KRT4: variants seen among roughly 807,000 people sequenced by gnomAD.
KRT4 encodes keratin, type II cytoskeletal 4.
Under a neutral mutation model 50.6 loss-of-function variants are expected in KRT4, and 47 were observed. The ratio of observed to expected loss-of-function variants is 0.93; its 90% CI spans 0.73 to 1.18. The LOEUF is 1.18. Ranked by LOEUF, KRT4 falls within the 50% of genes most tolerant of loss-of-function variation. KRT4 has a pLI of 0.00. For missense variants in KRT4, 651 were observed against 645.7 expected (o/e 1.01, Z -0.09); for synonymous variants, 254 against 251.2 (o/e 1.01, Z -0.10).
intron 3 of KRT4, among the ~76,000 whole-genome samples, chr12:52,809,894 A>T (rs576436612): frequency 6.6e-6 from 1 of 152,242 alleles, no homozygotes; most frequent in Admixed American, 6.5e-5. Context: ...AATATGATAC[A>T]TATACACAAT....
chr12:52,807,855 G>T lies in KRT4; in HGVS notation c.1135C>A (p.Leu379Ile). The T allele has an allele frequency of 6.2e-7, 1 of 1,613,732 alleles. No homozygotes were observed. Among genetic ancestry groups the T allele is most frequent in the South Asian group, 1.1e-5 (1 of 91,074 alleles). Residue 379 changes from leucine to isoleucine, a missense_variant, in exon 7 of 9, where the codon CTT becomes ATT. Leu to Ile is a conservative substitution (Grantham distance 5). Transcript: ENST00000551956. ...TCTGCATCAGCCACGGATACCTGAA[G>T]AGTCTGGCACTATTGACAAAGGCAT... is the stretch of plus-strand genomic sequence containing the variant. Reference protein sequence around the residue: ...IENIKKQCQTLQVSVADAEQR... With the variant: ...IENIKKQCQTIQVSVADAEQR...
chr12:52,807,369 G>C lies in KRT4; in HGVS notation c.1371C>G (p.Ala457=). Residue 457 remains alanine, a synonymous_variant, in exon 8 of 9, where the codon GCC becomes GCG. Transcript: ENST00000551956. ...EYRMSGECQS[A]VSISVVSGST... ...GTGGAAGGTACTTACAGATGCTCAC[G>C]GCACTCTGGCATTCTCCAGACATTC... 1 of 1,614,178 alleles carries C rather than the reference G, an allele frequency of 6.2e-7. No individual in the cohort carries two copies.
intron 4 of KRT4, 153 bp from the exon 5 acceptor site, chr12:52,809,003 G>A: frequency 2.4e-6 from 2 of 828,958 alleles, no homozygotes; most frequent in Admixed American, 4.0e-5. Flanking sequence ...TGACAGTTCA[G>A]GATGGAAGAG....
chr12:52,809,583 C>T (rs1356155701), intron 3 of KRT4, 105 bp from the exon 4 acceptor site: 17 of 835,748 alleles, frequency 2.0e-5, no homozygotes, highest in East Asian at 9.7e-5. Flanking sequence ...TTAGGAAAGA[C>T]TACTCAGCAG....
Position 52,810,739 on chromosome 12 carries a change from C to A in KRT4, c.738+17G>T. The A allele has an allele frequency of 1.9e-6, 3 of 1,612,450 alleles. No individual in the cohort carries two copies. The highest frequency in any genetic ancestry group is 1.7e-6 in the Non-Finnish European group (2 of 1,178,614). On this transcript the variant is annotated intron_variant, in intron 3 of 8. Coordinates refer to ENST00000551956, the MANE Select transcript of KRT4 (RefSeq NM_002272.4). ...GGGGCACCCTGAAGGCACTCCCTAC[C>A]ATCCTTCGTCTCTTACCTTCTTTAG...
Position 52,808,811 on chromosome 12 carries a change from C to T in KRT4, c.874G>A (p.Val292Met), listed in dbSNP as rs368497257. ...QMQTHVSDTS[V>M]VLSMDNNRNL... Reference sequence around the variant, plus strand: ...CGGTTGTTGTCCATGGAAAGGACCACGGACGTGTCGCTGACATGGGTCTGC... The same window carrying T: ...CGGTTGTTGTCCATGGAAAGGACCATGGACGTGTCGCTGACATGGGTCTGC... Residue 292 changes from valine (V) to methionine (M), a missense_variant, in exon 5 of 9, where the codon GTG (valine) becomes ATG (methionine). Coordinates refer to ENST00000551956, the MANE Select transcript of KRT4 (RefSeq NM_002272.4). The T allele has an allele frequency of 2.1e-5, 34 of 1,614,038 alleles. No individual in the cohort carries two copies. The highest frequency in any genetic ancestry group is 2.7e-5 in the African/African-American group (2 of 74,942).
chr12:52,809,328 C>T lies in KRT4; in HGVS notation c.834+55G>A, dbSNP rs1939864786. On this transcript the variant is annotated intron_variant, in intron 4 of 8. Transcript: ENST00000551956. ...AAAAACTGTGAATCCCAACCAGCAG[C>T]GTCACAGATGGGGGATTCCCTTTCC... is the stretch of plus-strand genomic sequence containing the variant. The T allele has an allele frequency of 1.4e-5, 19 of 1,315,288 alleles. 1 individual carries two copies. Among genetic ancestry groups the T allele is most frequent in the Admixed American group, 1.7e-5 (1 of 59,664 alleles). The allele number at this position is 1,315,288 out of a possible 1,614,324, so 81.5% of individuals were successfully genotyped here.
chr12:52,811,732 A>G lies in KRT4; in HGVS notation c.677+31T>C. ...CTGGGTGTGGCTGGGCACATGTGTC[A>G]GATGGCGTCCCCTCCTTCCTCCCCA... is the stretch of plus-strand genomic sequence containing the variant. On this transcript the variant is annotated intron_variant, in intron 2 of 8. Transcript: ENST00000551956. 3.2e-6 allele frequency: 5 copies of G among 1,566,820 alleles called. No homozygotes were observed. The South Asian group carries it at 4.4e-5, about 14-fold the overall frequency.
At chr12:52,807,308 T>G in intron 8 of KRT4, 51 bp downstream of exon 8, 1 of 1,614,074 alleles carries the variant, frequency 6.2e-7, no homozygotes, top group Non-Finnish European at 8.5e-7. Flanking sequence ...CCCAGGGGTC[T>G]GGCAAGACCC....
At position 52,811,832 on chromosome 12, in the gene KRT4, C is replaced by T. The variant is rs574351461; in HGVS notation, c.608G>A (p.Gly203Asp). The change falls in exon 2 of 9, where the codon GGC becomes GAC. Residue 203 changes from glycine to aspartate, a missense_variant. Coordinates refer to ENST00000551956, the MANE Select transcript of KRT4 (RefSeq NM_002272.4). ...AGACTGCAGGCGCCCTTTGTCATTG[C>T]CCAAGGTATCTAGCTGCTTCCTCAG... ...SVLRKQLDTLGNDKGRLQSEL... is the reference protein window; with the variant it reads ...SVLRKQLDTLDNDKGRLQSEL... The T allele has an allele frequency of 6.2e-7, 1 of 1,613,884 alleles. No individual in the cohort carries two copies. The highest frequency in any genetic ancestry group is 1.3e-5 in the African/African-American group (1 of 74,916).
intron 3 of KRT4, among the ~76,000 whole-genome samples, chr12:52,809,794 A>T (rs548869287): frequency 1.3e-5 from 2 of 152,262 alleles, no homozygotes. Context: ...ACAAAAGGAT[A>T]CCTGCACTCA....
At position 52,809,446 on chromosome 12, in the gene KRT4, C is replaced by T. The variant is rs150279351; in HGVS notation, c.771G>A (p.Glu257=). 8.1e-6 allele frequency: 13 copies of T among 1,614,128 alleles called. No homozygotes were observed. The highest frequency in any genetic ancestry group is 3.3e-5 in the Admixed American group (2 of 60,028). The change falls in exon 4 of 9, where the codon GAG becomes GAA. Residue 257 remains glutamate (E), a synonymous_variant. Transcript: ENST00000551956. Reference sequence around the variant, plus strand: ...TAAGACTGTCCACCTTGGCCTCCAACTCCACCTTGTTCAGGTAGGCAGCAT... The same window carrying T: ...TAAGACTGTCCACCTTGGCCTCCAATTCCACCTTGTTCAGGTAGGCAGCAT... ...DVDAAYLNKV[E]LEAKVDSLND... is the part of the protein sequence containing the mutation.
In KRT4 at chr12:52,813,720, G is replaced by C; in HGVS notation, c.339C>G (p.Thr113=). 1 of 1,234,972 alleles carries C rather than the reference G, an allele frequency of 8.1e-7. No homozygotes were observed. The highest frequency in any genetic ancestry group is 1.0e-6 in the Non-Finnish European group (1 of 974,628). 76.5% of individuals were successfully genotyped at this position (1,234,972 alleles called of 1,614,324 possible). Residue 113 remains threonine, a synonymous_variant, in exon 1 of 9, where the codon ACC becomes ACG. Transcript: ENST00000551956. ...GGGGGGTGAGCAAGCTCTGGTTGATGGTGACCTCCTGAATTCCCCCAGCGG... is the reference window on the plus strand; with the variant it reads ...GGGGGGTGAGCAAGCTCTGGTTGATCGTGACCTCCTGAATTCCCCCAGCGG... ...VCPAGGIQEV[T]INQSLLTPLH...
In KRT4 at chr12:52,808,332, G is replaced by A. The variant is rs1939839467; in HGVS notation, c.1087C>T (p.Gln363Ter). The change falls in exon 6 of 9, where the codon CAG becomes TAG. Residue 363 changes from glutamine (Q) to a stop codon, truncating the protein, a stop_gained. Coordinates refer to ENST00000551956, the MANE Select transcript of KRT4 (RefSeq NM_002272.4). LOFTEE classifies it high-confidence loss of function. Reference protein sequence around the residue: ...SEIAELNRMIQRLRAEIENIK... With the variant: ...SEIAELNRMI Reference sequence around the variant, plus strand: ...TTCTCGATCTCTGCCCGCAGCCTCTGGATCATCCTGTTGAGCTCTGCAATT... The same window carrying A: ...TTCTCGATCTCTGCCCGCAGCCTCTAGATCATCCTGTTGAGCTCTGCAATT... 6.2e-7 allele frequency: 1 copy of A among 1,614,092 alleles called. No individual in the cohort carries two copies. Among genetic ancestry groups the A allele is most frequent in the Non-Finnish European group, 8.5e-7 (1 of 1,180,008 alleles).
chr12:52,811,031 C>A lies in KRT4; in HGVS notation c.678-215G>T, dbSNP rs1565684751. 7.2e-6 allele frequency: 4 copies of A among 557,842 alleles called. No individual in the cohort carries two copies. In the East Asian group the frequency reaches 9.1e-5, roughly 13 times the overall value. The allele number at this position is 557,842 out of a possible 1,614,324, so 34.6% of individuals were successfully genotyped here. On this transcript the variant is annotated intron_variant, in intron 2 of 8. Coordinates refer to ENST00000551956, the MANE Select transcript of KRT4 (RefSeq NM_002272.4). ...CAGGGTTTATTCAGATACATGAAAA[C>A]CAAACTTTAAAGAGACTGTTTTCGA... is the stretch of plus-strand genomic sequence containing the variant.
intron 3 of KRT4, among the ~76,000 whole-genome samples, chr12:52,809,796 C>T (rs1939877296): frequency 1.3e-5 from 2 of 152,178 alleles, no homozygotes; most frequent in South Asian, 2.1e-4. Flanking sequence ...AAAAGGATAC[C>T]TGCACTCATG....
chr12:52,813,344 A>G (rs1939943893), intron 1 of KRT4, among the ~76,000 whole-genome samples: 2 of 152,320 alleles, frequency 1.3e-5, no homozygotes, highest in African/African-American at 4.8e-5. Context: ...GAAAAGCCAA[A>G]TGATTTGTCC....
At chr12:52,810,295 C>T (rs1382481079) in intron 3 of KRT4, among the ~76,000 whole-genome samples, 2 of 152,250 alleles carry the variant, frequency 1.3e-5, no homozygotes, top group East Asian at 3.9e-4. Flanking sequence ...CAACTGTAAC[C>T]CCAGCACTTT....
chr12:52,809,933 T>A (rs1469927460), intron 3 of KRT4, among the ~76,000 whole-genome samples: 1 of 152,078 alleles, frequency 6.6e-6, no homozygotes, highest in Admixed American at 6.5e-5. Flanking sequence ...AAAAAGAGAA[T>A]GAAATTATGT....
Sources: gnomAD v4.1 joint callset for allele counts (sites outside exome capture counted in the v4.1 genomes callset) on GRCh38, gnomAD v4.1.1 for gene constraint, MANE v1.5 for transcripts, NCBI Gene and HGNC (gene_info 2026-07-23, HGNC 2026-07-21) for gene names.